Variants in PICALM observed in about 807,000 individuals in gnomAD.
PICALM encodes phosphatidylinositol binding clathrin assembly protein.
Under a neutral mutation model 80.5 loss-of-function variants are expected in PICALM, and 40 were observed. That is an observed-to-expected ratio of 0.50 (90% confidence interval 0.39 to 0.65). PICALM has a LOEUF of 0.65. Among genes scored for constraint, PICALM ranks in the 30% least tolerant of loss-of-function variants. PICALM has a pLI of 0.00. For missense variants in PICALM, 676 were observed against 778.9 expected (o/e 0.87, Z 1.57); for synonymous variants, 288 against 260.3 (o/e 1.11, Z -1.02).
intron 4 of PICALM, among the ~76,000 whole-genome samples, chr11:86,020,285 G>A (rs990736797): frequency 3.3e-5 from 5 of 152,020 alleles, no homozygotes. Context: ...CATTAAGAAG[G>A]TAATACTCCC....
intron 1 of PICALM, among the ~76,000 whole-genome samples, chr11:86,036,945 C>CAAAAAAAAAAA (rs57778395): frequency 1.0e-4 from 13 of 125,932 alleles, no homozygotes; most frequent in African/African-American, 2.3e-4. Flanking sequence ...CAACAACAAC[C>CAAAAAAAAAAA]AAAAAAAAAA....
chr11:86,048,736 G>A (rs12273113), intron 1 of PICALM, among the ~76,000 whole-genome samples: 5,225 of 151,556 alleles, frequency 0.034, 145 homozygotes, highest in Middle Eastern at 0.11. Flanking sequence ...GGAGGCTGAG[G>A]CAGGAGAATC....
chr11:86,016,033 C>T (rs1223114008), intron 4 of PICALM, among the ~76,000 whole-genome samples: 3 of 152,204 alleles, frequency 2.0e-5, no homozygotes, highest in African/African-American at 7.2e-5. Context: ...CTTATGGATG[C>T]CTGTTTCCGC....
intron 3 of PICALM, among the ~76,000 whole-genome samples, chr11:86,024,479 T>A (rs563450690): frequency 6.7e-6 from 1 of 149,206 alleles, no homozygotes; most frequent in African/African-American, 2.5e-5. Flanking sequence ...GAACCACAGT[T>A]CAGGCCCTGA....
Position 85,976,159 on chromosome 11 carries a change from T to C in PICALM, c.1839+464A>G, listed in dbSNP as rs1448779418. 2.6e-5 allele frequency among the ~76,000 whole-genome samples: 4 copies of C among 152,198 alleles called. No individual in the cohort carries two copies. In the East Asian group the frequency reaches 7.7e-4, roughly 29 times the overall value. ...AACTAAGGGCAATCTAAAATGCACA[T>C]TGTGGCATTTTGAAAGGTTAAAAGA... On this transcript the variant is annotated intron_variant, in intron 18 of 19. Coordinates refer to ENST00000393346, the MANE Select transcript of PICALM (RefSeq NM_007166.4).
intron 11 of PICALM, among the ~76,000 whole-genome samples, chr11:85,999,806 G>A (rs2095089230): frequency 6.6e-6 from 1 of 152,214 alleles, no homozygotes; most frequent in African/African-American, 2.4e-5. Flanking sequence ...TTTAACATGT[G>A]CTAATAATGC....
Position 86,033,790 on chromosome 11 carries a change from T to C in PICALM, c.131-2179A>G, listed in dbSNP as rs2095799112. Among the ~76,000 whole-genome samples the C allele has an allele frequency of 3.3e-5, 5 of 152,318 alleles. No individual in the cohort carries two copies. The South Asian group carries it at 1.0e-3, about 32-fold the overall frequency. Reference sequence around the variant, plus strand: ...TAGAATAATGCCTCAAACATAAAGATCAGTCATATTTTTTAAGACACATTC... The same window carrying C: ...TAGAATAATGCCTCAAACATAAAGACCAGTCATATTTTTTAAGACACATTC... On this transcript the variant is annotated intron_variant, in intron 1 of 19. Transcript: ENST00000393346.
intron 11 of PICALM, among the ~76,000 whole-genome samples, chr11:85,998,312 C>T (rs1162543072): frequency 1.3e-5 from 2 of 150,590 alleles, no homozygotes; most frequent in Non-Finnish European, 3.0e-5. Flanking sequence ...GGGCTTTCAC[C>T]GTGTTAGCCA....
chr11:85,979,957 T>C (rs966103489), intron 17 of PICALM, among the ~76,000 whole-genome samples: 10 of 152,220 alleles, frequency 6.6e-5, no homozygotes. Context: ...GGGTCTACCA[T>C]ACCTTACAGT....
chr11:86,022,361 A>T lies in PICALM; in HGVS notation c.452+6T>A. On this transcript the variant is annotated splice_donor_region_variant and intron_variant, in intron 4 of 19. Transcript: ENST00000393346. ...TCAATTAGATGTCAAAAAAAGCTTAACTCACCCTCTCTTCACTTTTGTGAA... is the reference window on the plus strand; with the variant it reads ...TCAATTAGATGTCAAAAAAAGCTTATCTCACCCTCTCTTCACTTTTGTGAA... 1.3e-6 allele frequency: 2 copies of T among 1,494,834 alleles called. No homozygotes were observed. Among genetic ancestry groups the T allele is most frequent in the Non-Finnish European group, 1.8e-6 (2 of 1,092,580 alleles). 92.6% of individuals were successfully genotyped at this position (1,494,834 alleles called of 1,614,324 possible). A position where few individuals can be genotyped will look rare whatever the true frequency, so the allele number is the denominator to read the frequency against.
chr11:85,957,817 A>G lies in PICALM; in HGVS notation c.*1229T>C, dbSNP rs2093571953. 1.3e-5 allele frequency: 3 copies of G among 222,334 alleles called. No individual in the cohort carries two copies. The highest frequency in any genetic ancestry group is 1.8e-5 in the Non-Finnish European group (2 of 110,920). 13.8% of individuals were successfully genotyped at this position (222,334 alleles called of 1,614,324 possible). A position where few individuals can be genotyped will look rare whatever the true frequency, so the allele number is the denominator to read the frequency against. On this transcript the variant is annotated 3_prime_UTR_variant, in exon 20 of 20. Coordinates refer to ENST00000393346, the MANE Select transcript of PICALM (RefSeq NM_007166.4). ...AACTCATGTACAGAATTGCTTTCCT[A>G]CAATGAACTGTCCTTCTTAAGGCCC...
chr11:85,984,067 A>G lies in PICALM; in HGVS notation c.1409-94T>C, dbSNP rs1379490074. 2.4e-5 allele frequency: 15 copies of G among 627,810 alleles called. No homozygotes were observed. The Admixed American group carries it at 5.2e-4, about 22-fold the overall frequency. The allele number at this position is 627,810 out of a possible 1,614,324, so 38.9% of individuals were successfully genotyped here. ...ATGACAATAGAATGGAAAATGCACT[A>G]AATTCCCCACACAAAAACAAAGCCA... On this transcript the variant is annotated intron_variant, in intron 13 of 19. Coordinates refer to ENST00000393346, the MANE Select transcript of PICALM (RefSeq NM_007166.4).
chr11:86,056,068 G>A (rs186456970), intron 1 of PICALM, among the ~76,000 whole-genome samples: 20 of 137,284 alleles, frequency 1.5e-4, no homozygotes, highest in Admixed American at 9.1e-4. Context: ...CCTGGGAGGC[G>A]AAGTTGCAGT....
rs528175438 is a variant in PICALM, at chr11:85,981,765, G to C, written c.1659C>G (p.Ile553Met). Residue 553 changes from isoleucine to methionine, a missense_variant, in exon 16 of 20, where the codon ATC (isoleucine) becomes ATG (methionine). By Grantham distance (10) the Ile-to-Met change is conservative. This residue lies in a region of PICALM where 391 missense variants were observed against 383.6 expected (regional missense o/e 1.02). Transcript: ENST00000393346. ...CTCACTTCTTAGTGGTTCCATTTCC[G>C]ATGCCAAGATCTAGGAAAGGAGAAA... The part of the protein sequence containing the change: ...SLANLVGNLG[I>M]GNGTTKNDVN... The C allele has an allele frequency of 1.2e-6, 2 of 1,611,608 alleles. No homozygotes were observed. Among genetic ancestry groups the C allele is most frequent in the Non-Finnish European group, 1.7e-6 (2 of 1,177,892 alleles).
intron 14 of PICALM, among the ~76,000 whole-genome samples, chr11:85,982,338 A>G (rs886169552): frequency 6.6e-6 from 1 of 151,520 alleles, no homozygotes; most frequent in African/African-American, 2.4e-5. Context: ...AGACTCACTT[A>G]TATCTAAAGC....
intron 4 of PICALM, 22 bp downstream of exon 4, chr11:86,022,345 T>C (rs1290236231): frequency 2.5e-6 from 3 of 1,205,218 alleles, no homozygotes; most frequent in South Asian, 2.6e-5. Context: ...ATCAATTAGA[T>C]GTCAAAAAAA....
At chr11:86,037,420 C>A (rs760446065) in intron 1 of PICALM, among the ~76,000 whole-genome samples, 1 of 151,576 alleles carries the variant, frequency 6.6e-6, no homozygotes, top group Non-Finnish European at 1.5e-5. Flanking sequence ...CTACCACGCC[C>A]GGCTAATTTT....
intron 1 of PICALM, among the ~76,000 whole-genome samples, chr11:86,034,491 T>C (rs933625131): frequency 1.8e-4 from 27 of 152,208 alleles, no homozygotes; most frequent in Admixed American, 5.2e-4. Context: ...ATCCAGAAGA[T>C]ACTATTTCTT....
At position 85,965,815 on chromosome 11, in the gene PICALM, G is replaced by GT. The variant is rs914561533; in HGVS notation, c.1945-6756dup. ...AATGCATTACCCATTTTGTTTTTTT[G>GT]TTTTTTTTTTTTTTTTTTTTTTTGA... On this transcript the variant is annotated intron_variant, in intron 19 of 19. Transcript: ENST00000393346. 6.3e-4 allele frequency among the ~76,000 whole-genome samples: 68 copies of GT among 108,154 alleles called. 1 individual carries two copies. Among genetic ancestry groups the GT allele is most frequent in the East Asian group, 5.6e-3 (19 of 3,392 alleles). 71.0% of individuals were successfully genotyped at this position (108,154 alleles called of 152,430 possible).
Sources: gnomAD v4.1 joint callset for allele counts (sites outside exome capture counted in the v4.1 genomes callset) on GRCh38, gnomAD v4.1.1 for gene constraint, gnomAD v4.1.1 regional missense constraint, MANE v1.5 for transcripts, NCBI Gene and HGNC (gene_info 2026-07-23, HGNC 2026-07-21) for gene names.